Variants in TENM3 observed in about 807,000 individuals in gnomAD.
The protein encoded by TENM3 is teneurin transmembrane protein 3.
TENM3 carries 63 observed loss-of-function variants against 255.1 expected under a neutral mutation model. That is an observed-to-expected ratio of 0.25 (90% CI 0.20 to 0.30). The LOEUF is 0.30. Ranked by LOEUF, TENM3 falls within the 10% of genes least tolerant of loss-of-function variation. The pLI is 1.00. For synonymous variants in TENM3, 1,306 were observed against 1,322.3 expected (o/e 0.99, Z 0.27); for missense variants, 2,929 against 3,461.1 (o/e 0.85, Z 3.86).
chr4:181,578,020 G>A, the TENM3 span, among the ~76,000 whole-genome samples: 14 of 152,002 alleles, frequency 9.2e-5, no homozygotes, highest in African/African-American at 3.4e-4. Flanking sequence ...GTTCTTCACA[G>A]CCCCCACGTC....
At chr4:182,776,090 C>G (rs1479021951) in intron 24 of TENM3, among the ~76,000 whole-genome samples, 2 of 152,010 alleles carry the variant, frequency 1.3e-5, no homozygotes, top group African/African-American at 2.4e-5. Flanking sequence ...ACAGTTGTTA[C>G]AAGAATCAAA....
At chr4:182,643,349 A>G (rs746383049) in intron 5 of TENM3, among the ~76,000 whole-genome samples, 3 of 152,216 alleles carry the variant, frequency 2.0e-5, no homozygotes, top group Non-Finnish European at 4.4e-5. Flanking sequence ...ACTCTATGCA[A>G]TGTAGTTTTA....
At chr4:182,565,202 G>A (rs1430769972) in intron 3 of TENM3, among the ~76,000 whole-genome samples, 1 of 152,016 alleles carries the variant, frequency 6.6e-6, no homozygotes, top group East Asian at 1.9e-4. Context: ...TCATAGTCTT[G>A]GTTACCACCC....
chr4:182,536,774 T>C (rs1740369098), intron 3 of TENM3, among the ~76,000 whole-genome samples: 1 of 152,222 alleles, frequency 6.6e-6, no homozygotes, highest in African/African-American at 2.4e-5. Flanking sequence ...AAGTCACTCC[T>C]TCTTACCCCA....
chr4:181,894,746 A>C, the TENM3 span, among the ~76,000 whole-genome samples: 4 of 149,556 alleles, frequency 2.7e-5, no homozygotes, highest in East Asian at 6.0e-4. Context: ...AAAAAAAAAA[A>C]CGGGGAAATT....
the TENM3 span, among the ~76,000 whole-genome samples, chr4:181,826,035 A>G: frequency 0.11 from 16,907 of 152,252 alleles, 1,499 homozygotes; most frequent in East Asian, 0.53. Context: ...AAGAAAAACA[A>G]TGAACTTAAT....
chr4:182,412,656 G>A (rs1000369150), intron 3 of TENM3, among the ~76,000 whole-genome samples: 1 of 151,960 alleles, frequency 6.6e-6, no homozygotes, highest in Non-Finnish European at 1.5e-5. Context: ...ATGAGGTCAG[G>A]AGATCGAGAC....
chr4:182,495,410 C>G (rs1262079756), intron 3 of TENM3, among the ~76,000 whole-genome samples: 1 of 151,936 alleles, frequency 6.6e-6, no homozygotes, highest in Non-Finnish European at 1.5e-5. Context: ...ATTCATAGCT[C>G]TCATCTTTTC....
chr4:182,586,223 C>T (rs1746010765), intron 3 of TENM3, among the ~76,000 whole-genome samples: 1 of 152,146 alleles, frequency 6.6e-6, no homozygotes, highest in African/African-American at 2.4e-5. Flanking sequence ...CAGTACTGTA[C>T]TCCAGCCTGG....
the TENM3 span, among the ~76,000 whole-genome samples, chr4:182,049,974 A>G: frequency 3.4e-5 from 5 of 148,320 alleles, no homozygotes; most frequent in Non-Finnish European, 6.0e-5. Flanking sequence ...CGTTTAAAAA[A>G]TATGTATTTT....
At chr4:181,884,695 A>C in the TENM3 span, among the ~76,000 whole-genome samples, 1 of 152,290 alleles carries the variant, frequency 6.6e-6, no homozygotes, top group Admixed American at 6.5e-5. Flanking sequence ...AAAATAATCT[A>C]ATCTTTTCAG....
chr4:181,613,186 C>T, the TENM3 span, among the ~76,000 whole-genome samples: 1 of 152,214 alleles, frequency 6.6e-6, no homozygotes, highest in Non-Finnish European at 1.5e-5. Flanking sequence ...ATGTGGAAAA[C>T]ACTGCTGCCT....
intron 3 of TENM3, among the ~76,000 whole-genome samples, chr4:182,384,254 G>A (rs1164335860): frequency 6.6e-6 from 1 of 151,174 alleles, no homozygotes; most frequent in Non-Finnish European, 1.5e-5. Context: ...AGGAGTTCAT[G>A]TGTTTATACC....
chr4:181,630,379 A>T, the TENM3 span, among the ~76,000 whole-genome samples: 10,102 of 152,074 alleles, frequency 0.066, 457 homozygotes, highest in East Asian at 0.14. Context: ...GCCTTCCGCT[A>T]GCTTTTGAAT....
At chr4:181,760,024 C>T in the TENM3 span, among the ~76,000 whole-genome samples, 2 of 151,986 alleles carry the variant, frequency 1.3e-5, no homozygotes, top group African/African-American at 2.4e-5. Flanking sequence ...CACCATGCTG[C>T]CTACAGAGAA....
chr4:182,684,983 G>A (rs1161893380), intron 11 of TENM3, among the ~76,000 whole-genome samples: 1 of 152,116 alleles, frequency 6.6e-6, no homozygotes, highest in East Asian at 1.9e-4. Context: ...GCTGCCCTAT[G>A]AGTCAGTATC....
the TENM3 span, among the ~76,000 whole-genome samples, chr4:181,909,625 T>G: frequency 1.3e-5 from 2 of 152,188 alleles, no homozygotes; most frequent in East Asian, 3.9e-4. Flanking sequence ...TTTGTTCATG[T>G]ATCATCTAGT....
chr4:182,696,814 A>C (rs1461821177), intron 12 of TENM3, among the ~76,000 whole-genome samples: 1 of 152,032 alleles, frequency 6.6e-6, no homozygotes, highest in Admixed American at 6.6e-5. Flanking sequence ...CTCATTCTAA[A>C]TACTTTTATA....
At chr4:182,265,693 T>C (rs1241033847) in intron 1 of TENM3, among the ~76,000 whole-genome samples, 2 of 152,198 alleles carry the variant, frequency 1.3e-5, no homozygotes, top group African/African-American at 4.8e-5. Context: ...TTACAACTAT[T>C]GTAATCTTCT....
Sources: allele counts gnomAD v4.1 joint callset (sites outside exome capture counted in the v4.1 genomes callset), GRCh38; gene constraint gnomAD v4.1.1; transcripts MANE v1.5; gene names NCBI Gene and HGNC (gene_info 2026-07-23, HGNC 2026-07-21).